The following CTNND2 variants were observed in gnomAD, a reference collection of about 807,000 sequenced individuals.
The protein encoded by CTNND2 is catenin delta-2.
CTNND2 carries 22 observed loss-of-function variants against 144.4 expected under a neutral mutation model. That is an observed-to-expected ratio of 0.15 (90% CI 0.11 to 0.22). The LOEUF is 0.22. Among genes scored for constraint, CTNND2 ranks in the 10% least tolerant of loss-of-function variants. The pLI is 1.00. For missense variants in CTNND2, 1,353 were observed against 1,618.8 expected, an observed-to-expected ratio of 0.84 and a Z score of 2.82; for synonymous variants, 751 against 695.6, an observed-to-expected ratio of 1.08 and a Z score of -1.25.
At chr5:11,779,749 T>C (rs1325572060) in intron 1 of CTNND2, among the ~76,000 whole-genome samples, 1 of 152,228 alleles carries the variant, frequency 6.6e-6, no homozygotes, top group Non-Finnish European at 1.5e-5. Context: ...CTTCCTTTTA[T>C]ACTGGGTGGC....
chr5:11,850,209 A>C (rs370955652), intron 1 of CTNND2, among the ~76,000 whole-genome samples: 2 of 151,714 alleles, frequency 1.3e-5, no homozygotes, highest in East Asian at 3.9e-4. Context: ...GTCCAAAGGC[A>C]CATGAACACC....
intron 3 of CTNND2, among the ~76,000 whole-genome samples, chr5:11,549,753 A>C (rs546987206): frequency 6.6e-6 from 1 of 152,344 alleles, no homozygotes; most frequent in East Asian, 1.9e-4. Flanking sequence ...TACCATTTTC[A>C]TAGTGATGAG....
At chr5:11,319,252 A>C (rs148187300) in intron 9 of CTNND2, among the ~76,000 whole-genome samples, 216 of 152,270 alleles carry the variant, frequency 1.4e-3, no homozygotes, top group Non-Finnish European at 2.1e-3. Flanking sequence ...ACAGAACAGA[A>C]ACTGTGCCTG....
chr5:11,824,005 A>G (rs1390797938), intron 1 of CTNND2, among the ~76,000 whole-genome samples: 1 of 144,286 alleles, frequency 6.9e-6, no homozygotes, highest in African/African-American at 2.6e-5. Context: ...GCTACTCAGG[A>G]GGTAGGGGAA....
intron 16 of CTNND2, among the ~76,000 whole-genome samples, chr5:11,066,962 A>C (rs1747686660): frequency 6.6e-6 from 1 of 152,204 alleles, no homozygotes; most frequent in South Asian, 2.1e-4. Context: ...AAGGGGACTG[A>C]TTAGCTCCTC....
In CTNND2 at chr5:11,809,905, A is replaced by G. The variant is rs527988663; in HGVS notation, c.38-77633T>C. 3.3e-5 allele frequency among the ~76,000 whole-genome samples: 5 copies of G among 152,334 alleles called. No individual in the cohort carries two copies. The East Asian group carries it at 9.6e-4, about 29-fold the overall frequency. ...TTGCAGCAGTTCTCAATGGAAGAGC[A>G]GAACTTAAGAAACAATCATGTCTAT... On this transcript the variant is annotated intron_variant, in intron 1 of 21. Transcript: ENST00000304623.
chr5:11,147,854 T>C lies in CTNND2; in HGVS notation c.2159+11722A>G, dbSNP rs990284077. Among the ~76,000 whole-genome samples, 3 of 152,322 alleles carry C rather than the reference T, an allele frequency of 2.0e-5. No individual in the cohort carries two copies. The South Asian group carries it at 6.2e-4, about 32-fold the overall frequency. ...ACAATCCATCAATTCTGCTTCTAGGTATATACCCAAAATAATTGAAATGGG... is the reference window on the plus strand; with the variant it reads ...ACAATCCATCAATTCTGCTTCTAGGCATATACCCAAAATAATTGAAATGGG... On this transcript the variant is annotated intron_variant, in intron 12 of 21. Transcript: ENST00000304623.
chr5:11,226,443 C>T (rs929403128), intron 10 of CTNND2, among the ~76,000 whole-genome samples: 4 of 152,134 alleles, frequency 2.6e-5, no homozygotes, highest in African/African-American at 9.7e-5. Flanking sequence ...TTTCACATGT[C>T]TGATAAAGAC....
chr5:11,792,498 T>C (rs1430586952), intron 1 of CTNND2, among the ~76,000 whole-genome samples: 1 of 152,174 alleles, frequency 6.6e-6, no homozygotes, highest in Admixed American at 6.5e-5. Flanking sequence ...TCTGCAAATA[T>C]AAGAAAGAGA....
chr5:11,727,089 A>G (rs1049169413), intron 2 of CTNND2, among the ~76,000 whole-genome samples: 3 of 152,186 alleles, frequency 2.0e-5, no homozygotes, highest in African/African-American at 7.2e-5. Flanking sequence ...TTGAATAAGT[A>G]GTTTATGATT....
At chr5:11,276,144 C>T (rs761287806) in intron 9 of CTNND2, among the ~76,000 whole-genome samples, 3 of 152,166 alleles carry the variant, frequency 2.0e-5, no homozygotes, top group South Asian at 2.1e-4. Flanking sequence ...ACGTGACATT[C>T]GAGAAAATGT....
intron 1 of CTNND2, among the ~76,000 whole-genome samples, chr5:11,856,742 T>G (rs1226188981): frequency 6.6e-6 from 1 of 152,200 alleles, no homozygotes; most frequent in Non-Finnish European, 1.5e-5. Flanking sequence ...TATGATTCAC[T>G]TACTGGTAAC....
chr5:11,614,908 G>GT (rs1000753447), intron 2 of CTNND2, among the ~76,000 whole-genome samples: 12 of 152,068 alleles, frequency 7.9e-5, no homozygotes, highest in Non-Finnish European at 1.5e-4. Context: ...ACCTGATAAG[G>GT]TCCTTGTGAG....
At chr5:11,303,135 T>C (rs771084306) in intron 9 of CTNND2, among the ~76,000 whole-genome samples, 29 of 152,214 alleles carry the variant, frequency 1.9e-4, no homozygotes, top group Non-Finnish European at 3.1e-4. Context: ...TTCCTTTCTC[T>C]TCCACTCAAC....
At chr5:11,080,445 T>C (rs1167589407) in intron 16 of CTNND2, among the ~76,000 whole-genome samples, 9 of 152,232 alleles carry the variant, frequency 5.9e-5, no homozygotes, top group Non-Finnish European at 1.5e-5. Context: ...ATAGAATTAC[T>C]ATATGATCCA....
chr5:11,261,680 CT>C (rs1399903360), intron 9 of CTNND2, among the ~76,000 whole-genome samples: 1 of 152,240 alleles, frequency 6.6e-6, no homozygotes, highest in Non-Finnish European at 1.5e-5. Context: ...TATAGGGGAT[CT>C]TCCACCACTG....
At chr5:11,799,947 A>G (rs1021581061) in intron 1 of CTNND2, among the ~76,000 whole-genome samples, 23 of 152,302 alleles carry the variant, frequency 1.5e-4, no homozygotes, top group African/African-American at 4.6e-4. Context: ...CAATTATTTT[A>G]AGAAGGAATT....
chr5:11,060,507 C>T, intron 16 of CTNND2, among the ~76,000 whole-genome samples: 1 of 152,210 alleles, frequency 6.6e-6, no homozygotes, highest in Admixed American at 6.5e-5. Flanking sequence ...ACAGATAATA[C>T]CCAACACGAG....
intron 3 of CTNND2, among the ~76,000 whole-genome samples, chr5:11,417,567 A>AAAT (rs1414480524): frequency 2.0e-5 from 3 of 152,260 alleles, no homozygotes; most frequent in Non-Finnish European, 4.4e-5. Flanking sequence ...GAACACATTA[A>AAAT]AAGTATTTGA....
Sources: allele counts gnomAD v4.1 joint callset (sites outside exome capture counted in the v4.1 genomes callset), GRCh38; gene constraint gnomAD v4.1.1; transcripts MANE v1.5; gene names NCBI Gene and HGNC (gene_info 2026-07-23, HGNC 2026-07-21).